The following ATRNL1 variants were observed in gnomAD, a reference collection of about 807,000 sequenced individuals.
ATRNL1 encodes attractin-like protein 1.
A neutral mutation model predicts 182.7 loss-of-function variants in ATRNL1; 95 were observed. The observed-to-expected ratio is 0.52, with a 90% CI of 0.44 to 0.62. ATRNL1 has a LOEUF of 0.62. Among genes scored for constraint, ATRNL1 ranks in the 20% least tolerant of loss-of-function variants. The pLI is 0.00. For synonymous variants in ATRNL1, 576 were observed against 568.3 expected (o/e 1.01, Z -0.19); for missense variants, 1,471 against 1,679.5 (o/e 0.88, Z 2.17).
intron 28 of ATRNL1, among the ~76,000 whole-genome samples, chr10:115,851,079 A>AT (rs1422700851): frequency 6.6e-6 from 1 of 151,982 alleles, no homozygotes; most frequent in East Asian, 1.9e-4. Context: ...ATAATCTCAA[A>AT]TTTTTTTGTC....
intron 26 of ATRNL1, among the ~76,000 whole-genome samples, chr10:115,659,896 A>T (rs1488439420): frequency 6.6e-6 from 1 of 152,168 alleles, no homozygotes; most frequent in Non-Finnish European, 1.5e-5. Context: ...TGTGTTTATG[A>T]CGAGTGAGGG....
chr10:115,154,155 G>A (rs1312031474), intron 5 of ATRNL1, among the ~76,000 whole-genome samples: 4 of 151,682 alleles, frequency 2.6e-5, no homozygotes, highest in Non-Finnish European at 1.5e-5. Flanking sequence ...TGGAATAAGT[G>A]CGATGTGGTG....
chr10:115,795,399 T>C (rs1233106255), intron 27 of ATRNL1, among the ~76,000 whole-genome samples: 1 of 152,182 alleles, frequency 6.6e-6, no homozygotes, highest in Non-Finnish European at 1.5e-5. Flanking sequence ...CCTTAATGTA[T>C]TGAGTCAAAA....
At chr10:115,279,467 A>G (rs1006708168) in intron 13 of ATRNL1, among the ~76,000 whole-genome samples, 7 of 152,118 alleles carry the variant, frequency 4.6e-5, no homozygotes, top group African/African-American at 1.4e-4. Context: ...TTCCAAGGGC[A>G]ATAGGAGGTG....
intron 7 of ATRNL1, among the ~76,000 whole-genome samples, chr10:115,166,317 TTAGA>T (rs1411317701): frequency 3.9e-5 from 6 of 152,122 alleles, no homozygotes; most frequent in Admixed American, 3.3e-4. Flanking sequence ...TGATGGACAC[TTAGA>T]TAGCTTCCAT....
At chr10:115,403,861 T>C (rs781989844) in intron 20 of ATRNL1, among the ~76,000 whole-genome samples, 4 of 152,198 alleles carry the variant, frequency 2.6e-5, no homozygotes, top group Non-Finnish European at 5.9e-5. Flanking sequence ...AGCCTTGATG[T>C]CTAATATATA....
intron 28 of ATRNL1, among the ~76,000 whole-genome samples, chr10:115,863,086 G>A (rs944286622): frequency 2.0e-5 from 3 of 152,114 alleles, no homozygotes; most frequent in East Asian, 3.9e-4. Flanking sequence ...GAAATAAAGC[G>A]AAATGGGGTA....
chr10:115,138,980 A>G (rs2054701139), intron 5 of ATRNL1, among the ~76,000 whole-genome samples: 1 of 152,172 alleles, frequency 6.6e-6, no homozygotes, highest in Non-Finnish European at 1.5e-5. Flanking sequence ...CTTCCACCAG[A>G]TACCCTAAAT....
At chr10:115,169,105 G>T (rs1847179679) in intron 7 of ATRNL1, among the ~76,000 whole-genome samples, 1 of 148,010 alleles carries the variant, frequency 6.8e-6, no homozygotes, top group Admixed American at 6.7e-5. Flanking sequence ...AATGGTCTTG[G>T]TACTCTTGTC....
At chr10:115,461,723 A>G (rs181980181) in intron 21 of ATRNL1, among the ~76,000 whole-genome samples, 36 of 151,050 alleles carry the variant, frequency 2.4e-4, no homozygotes, top group African/African-American at 8.7e-4. Context: ...CAGAAATAAT[A>G]AATAAAATTT....
chr10:115,368,513 C>CT (rs1857200809), intron 19 of ATRNL1, among the ~76,000 whole-genome samples: 1 of 152,090 alleles, frequency 6.6e-6, no homozygotes, highest in Admixed American at 6.5e-5. Context: ...AGCTGTAGAC[C>CT]AGAGCTGTTC....
chr10:115,201,814 C>T (rs1338058874), intron 8 of ATRNL1, among the ~76,000 whole-genome samples: 1 of 152,244 alleles, frequency 6.6e-6, no homozygotes, highest in East Asian at 1.9e-4. Flanking sequence ...CTATAAATTA[C>T]CTTGGGCAGT....
chr10:115,282,081 TTA>T (rs1852389342), intron 14 of ATRNL1, among the ~76,000 whole-genome samples: 1 of 146,026 alleles, frequency 6.8e-6, no homozygotes, highest in Non-Finnish European at 1.5e-5. Context: ...TTTATTAAAA[TTA>T]TATATCTAGT....
chr10:115,537,616 T>A (rs1852109133), intron 25 of ATRNL1, among the ~76,000 whole-genome samples: 2 of 152,216 alleles, frequency 1.3e-5, no homozygotes, highest in Non-Finnish European at 2.9e-5. Flanking sequence ...ATTCTCATAC[T>A]TAAAGTATAC....
intron 18 of ATRNL1, among the ~76,000 whole-genome samples, chr10:115,330,448 ATT>A (rs1227624973): frequency 6.6e-6 from 1 of 151,576 alleles, no homozygotes; most frequent in Admixed American, 6.6e-5. Flanking sequence ...TCCTGAAAGT[ATT>A]TTTTTTGTAA....
intron 26 of ATRNL1, among the ~76,000 whole-genome samples, chr10:115,611,018 G>T (rs930983751): frequency 6.7e-6 from 1 of 149,410 alleles, no homozygotes; most frequent in Non-Finnish European, 1.5e-5. Flanking sequence ...TTCAAAATAT[G>T]AATCTTTTCC....
At chr10:115,202,610 G>T (rs1256653093) in intron 8 of ATRNL1, among the ~76,000 whole-genome samples, 2 of 149,604 alleles carry the variant, frequency 1.3e-5, no homozygotes, top group Non-Finnish European at 3.0e-5. Context: ...TAAGCTTTTT[G>T]ATGTGCTGCT....
rs1240589010 is a variant in ATRNL1 at position 115,471,413 on chromosome 10, A to C, written c.3654+2084A>C. Among the ~76,000 whole-genome samples the C allele has an allele frequency of 6.0e-5, 9 of 150,810 alleles. No individual in the cohort carries two copies. In the East Asian group the frequency reaches 1.8e-3, roughly 29 times the overall value. On this transcript the variant is annotated intron_variant, in intron 24 of 28. Transcript: ENST00000355044. ...AGTTTTATTTTTAATTTTTGGGGGA[A>C]TCTTCATACGGCTTTACATGATGGC...
At chr10:115,916,553 T>C (rs1555117303) in intron 28 of ATRNL1, among the ~76,000 whole-genome samples, 2 of 152,336 alleles carry the variant, frequency 1.3e-5, no homozygotes, top group East Asian at 3.9e-4. Context: ...TCATGGACTA[T>C]ATAGGTTATA....
Sources: allele counts gnomAD v4.1 joint callset (sites outside exome capture counted in the v4.1 genomes callset), GRCh38; gene constraint gnomAD v4.1.1; transcripts MANE v1.5; gene names NCBI Gene and HGNC (gene_info 2026-07-23, HGNC 2026-07-21).